The following SEC14L1 variants were observed in gnomAD, a reference collection of about 807,000 sequenced individuals.
SEC14L1 encodes SEC14 like lipid binding 1.
A neutral mutation model predicts 85.3 loss-of-function variants in SEC14L1; 48 were observed. The ratio of observed to expected loss-of-function variants is 0.56; its 90% confidence interval spans 0.45 to 0.72. SEC14L1 has a LOEUF of 0.72. SEC14L1 is among the 30% of genes least tolerant of loss of function. The probability of loss-of-function intolerance (pLI) is 0.00; values close to 1 mark genes in which losing one functional copy is unlikely to be tolerated. For synonymous variants in SEC14L1, 391 were observed against 355.5 expected, an observed-to-expected ratio of 1.10 and a Z score of -1.12; for missense variants, 682 against 921.4, an observed-to-expected ratio of 0.74 and a Z score of 3.36.
At chr17:77,164,903 T>C (rs923584869) in intron 3 of SEC14L1, among the ~76,000 whole-genome samples, 6 of 152,216 alleles carry the variant, frequency 3.9e-5, no homozygotes, top group African/African-American at 1.4e-4. Flanking sequence ...ATGTTTACAT[T>C]TATTCAGGCC....
intron 3 of SEC14L1, among the ~76,000 whole-genome samples, chr17:77,126,722 C>A (rs1972457707): frequency 6.6e-6 from 1 of 152,206 alleles, no homozygotes; most frequent in Admixed American, 6.5e-5. Flanking sequence ...CTCTGGCTTT[C>A]TCAAAGCCCA....
At chr17:77,178,483 C>T (rs943310158) in intron 3 of SEC14L1, among the ~76,000 whole-genome samples, 6 of 152,100 alleles carry the variant, frequency 3.9e-5, no homozygotes, top group Admixed American at 3.9e-4. Context: ...AGAATTGTGT[C>T]ACTGTTGCCT....
chr17:77,089,062 C>G (rs962709195), intron 1 of SEC14L1: 3 of 197,304 alleles, frequency 1.5e-5, no homozygotes, highest in Non-Finnish European at 3.2e-5. Context: ...ATTGGGGTCC[C>G]TGGCTGGGTT....
chr17:77,138,728 G>C (rs1339720608), upstream of SEC14L1, among the ~76,000 whole-genome samples: 2 of 152,226 alleles, frequency 1.3e-5, no homozygotes, highest in Non-Finnish European at 2.9e-5. Context: ...AGAAGGCTGA[G>C]GTGGGAGGTT....
intron 3 of SEC14L1, among the ~76,000 whole-genome samples, chr17:77,119,785 G>C (rs1972254110): frequency 6.6e-6 from 1 of 152,110 alleles, no homozygotes; most frequent in Non-Finnish European, 1.5e-5. Context: ...AAACCCACCT[G>C]CACTTAAACC....
At chr17:77,186,739 G>C (rs1164905602) in intron 3 of SEC14L1, among the ~76,000 whole-genome samples, 3 of 152,230 alleles carry the variant, frequency 2.0e-5, no homozygotes. Flanking sequence ...TTTGTGATCT[G>C]TGTATTACTT....
intron 3 of SEC14L1, among the ~76,000 whole-genome samples, chr17:77,111,957 G>A (rs996139888): frequency 6.6e-6 from 1 of 152,128 alleles, no homozygotes; most frequent in African/African-American, 2.4e-5. Context: ...CAGTTTGTCC[G>A]TGTCCCCCAC....
intron 3 of SEC14L1, among the ~76,000 whole-genome samples, chr17:77,152,261 C>T (rs1410406318): frequency 1.3e-5 from 2 of 152,136 alleles, no homozygotes; most frequent in East Asian, 3.9e-4. Context: ...GCTGGCTGGG[C>T]ACGGTGGCTC....
chr17:77,190,072 C>T (rs1254788), intron 3 of SEC14L1, among the ~76,000 whole-genome samples: 145,901 of 151,944 alleles, frequency 0.96, 70,339 homozygotes, highest in East Asian at 1. Flanking sequence ...TATTTTTTTT[C>T]CCTAAAAGTT....
chr17:77,178,029 C>G (rs1974837695), intron 3 of SEC14L1, among the ~76,000 whole-genome samples: 1 of 150,724 alleles, frequency 6.6e-6, no homozygotes, highest in Non-Finnish European at 1.5e-5. Flanking sequence ...CCCCTTTGTA[C>G]TCGTGGCTTT....
At chr17:77,185,936 C>G (rs1403268673) in intron 3 of SEC14L1, among the ~76,000 whole-genome samples, 1 of 152,072 alleles carries the variant, frequency 6.6e-6, no homozygotes, top group Non-Finnish European at 1.5e-5. Flanking sequence ...TTTCAAGATT[C>G]TGGCAGTAAT....
chr17:77,130,385 C>A (rs991998619), intron 3 of SEC14L1, among the ~76,000 whole-genome samples: 1 of 152,152 alleles, frequency 6.6e-6, no homozygotes, highest in South Asian at 2.1e-4. Context: ...GGCGCTGTCT[C>A]GGCTCACTGC....
rs1598372144 is a variant in SEC14L1, at chr17:77,191,052, G to A, written c.213+100G>A. The A allele has an allele frequency of 4.5e-6, 7 of 1,542,178 alleles. No individual in the cohort carries two copies. The East Asian group carries it at 1.6e-4, about 35-fold the overall frequency. On this transcript the variant is annotated intron_variant, in intron 4 of 16. Coordinates refer to ENST00000436233, the MANE Select transcript of SEC14L1 (RefSeq NM_001143998.2). ...CCTGGAGGGAGAGGGCATCCTGGAGGGAGAGGGCGTCCTGGAGGGAGAGGG... is the reference window on the plus strand; with the variant it reads ...CCTGGAGGGAGAGGGCATCCTGGAGAGAGAGGGCGTCCTGGAGGGAGAGGG...
In SEC14L1 at chr17:77,188,494, T is replaced by G. The variant is rs145430341; in HGVS notation, c.64-2309T>G. ...GGATCAATAGTTCATTCTTTTTTTT[T>G]GCTGAGTAGTGTTCCGTGGTGTGGC... On this transcript the variant is annotated intron_variant, in intron 3 of 16. Transcript: ENST00000436233. Among the ~76,000 whole-genome samples the G allele has an allele frequency of 6.9e-3, 1,054 of 152,196 alleles. 7 individuals are homozygous for G. Among genetic ancestry groups the G allele is most frequent in the African/African-American group, 0.024 (996 of 41,518 alleles).
At chr17:77,140,904 G>A (rs1304934187), upstream of SEC14L1, 1 of 141,544 alleles carries the variant, frequency 7.1e-6, no homozygotes, top group African/African-American at 2.6e-5. Context: ...CCCTCCCGGC[G>A]CCCGGCCCCG....
intron 5 of SEC14L1, 80 bp downstream of exon 5, chr17:77,191,392 T>G: frequency 1.3e-6 from 2 of 1,502,780 alleles, no homozygotes; most frequent in Non-Finnish European, 1.8e-6. Flanking sequence ...TTTTAAACAG[T>G]GCATCTTTTT....
chr17:77,110,716 T>TAAA (rs35033742), intron 3 of SEC14L1, among the ~76,000 whole-genome samples: 5 of 148,418 alleles, frequency 3.4e-5, no homozygotes, highest in African/African-American at 1.2e-4. Flanking sequence ...CCATCTCTAC[T>TAAA]AAAAAAAAAT....
At chr17:77,093,789 C>G (rs1762011389) in intron 3 of SEC14L1, 1 of 152,198 alleles carries the variant, frequency 6.6e-6, no homozygotes, top group Non-Finnish European at 1.5e-5. Context: ...TAATAAGGGA[C>G]AGAGTCTCAC....
At chr17:77,158,769 G>A (rs1299545827) in intron 3 of SEC14L1, among the ~76,000 whole-genome samples, 1 of 89,710 alleles carries the variant, frequency 1.1e-5, no homozygotes, top group African/African-American at 4.3e-5. Flanking sequence ...CATTTTTAAA[G>A]TTTCAATTAC....
Sources: gnomAD v4.1 joint callset for allele counts (sites outside exome capture counted in the v4.1 genomes callset) on GRCh38, gnomAD v4.1.1 for gene constraint, MANE v1.5 for transcripts, NCBI Gene and HGNC (gene_info 2026-07-23, HGNC 2026-07-21) for gene names.